FBXW7: variants seen among roughly 807,000 people sequenced by gnomAD.
The protein encoded by FBXW7 is F-box/WD repeat-containing protein 7.
FBXW7 carries 11 observed loss-of-function variants against 86.3 expected under a neutral mutation model. The ratio of observed to expected loss-of-function variants is 0.13; its 90% CI spans 0.08 to 0.21. The LOEUF is 0.21. Among genes scored for constraint, FBXW7 ranks in the 10% least tolerant of loss-of-function variants. FBXW7 has a pLI of 1.00. For missense variants in FBXW7, 488 were observed against 847.4 expected (o/e 0.58, Z 5.27); for synonymous variants, 313 against 297.9 (o/e 1.05, Z -0.52).
intron 2 of FBXW7, among the ~76,000 whole-genome samples, chr4:152,490,564 G>A (rs1048073362): frequency 6.6e-6 from 1 of 152,008 alleles, no homozygotes; most frequent in Non-Finnish European, 1.5e-5. Context: ...ACAGAGCTAG[G>A]AAATATTGGG....
chr4:152,446,259 T>C (rs1192605712), intron 2 of FBXW7, among the ~76,000 whole-genome samples: 2 of 152,146 alleles, frequency 1.3e-5, no homozygotes, highest in Admixed American at 6.5e-5. Context: ...TTAGGAAATA[T>C]TGGATATCAA....
At chr4:152,472,680 A>G (rs1386489205) in intron 2 of FBXW7, among the ~76,000 whole-genome samples, 3 of 152,240 alleles carry the variant, frequency 2.0e-5, no homozygotes, top group Non-Finnish European at 4.4e-5. Flanking sequence ...TGAGAAGCTG[A>G]TATCTTGATC....
intron 2 of FBXW7, among the ~76,000 whole-genome samples, chr4:152,528,000 T>C (rs1008734476): frequency 2.6e-5 from 4 of 151,948 alleles, no homozygotes; most frequent in African/African-American, 9.7e-5. Context: ...ACGGGTTCGT[T>C]TAAGATGCTG....
chr4:152,491,075 A>T (rs1745800982), intron 2 of FBXW7, among the ~76,000 whole-genome samples: 1 of 152,156 alleles, frequency 6.6e-6, no homozygotes, highest in Non-Finnish European at 1.5e-5. Flanking sequence ...GCTCAAGGGC[A>T]TTTGAGAACC....
intron 2 of FBXW7, among the ~76,000 whole-genome samples, chr4:152,462,917 CTT>C (rs534922461): frequency 6.3e-4 from 80 of 126,988 alleles, no homozygotes; most frequent in African/African-American, 7.0e-4. Flanking sequence ...CACTTCCAGT[CTT>C]TTTTTTTTTT....
intron 2 of FBXW7, among the ~76,000 whole-genome samples, chr4:152,511,457 T>C (rs959071771): frequency 1.3e-5 from 2 of 152,162 alleles, no homozygotes; most frequent in African/African-American, 4.8e-5. Context: ...TCCTTTATGC[T>C]TAAAAATATG....
chr4:152,329,886 G>T, intron 9 of FBXW7, 101 bp from the exon 10 acceptor site: 1 of 526,236 alleles, frequency 1.9e-6, no homozygotes, highest in Non-Finnish European at 3.2e-6. Context: ...ACAGTAATTT[G>T]TAGTCTATCT....
chr4:152,526,424 G>A (rs1276887972), intron 2 of FBXW7, among the ~76,000 whole-genome samples: 6 of 152,046 alleles, frequency 3.9e-5, no homozygotes, highest in Admixed American at 3.3e-4. Flanking sequence ...TGCCCTACTC[G>A]AAGAAAAGGT....
intron 2 of FBXW7, among the ~76,000 whole-genome samples, chr4:152,447,890 T>C (rs1741554192): frequency 6.6e-6 from 1 of 152,216 alleles, no homozygotes; most frequent in Non-Finnish European, 1.5e-5. Context: ...CACAGCATAG[T>C]TACCAATAAC....
intron 2 of FBXW7, among the ~76,000 whole-genome samples, chr4:152,503,886 G>C (rs1747174673): frequency 6.6e-6 from 1 of 152,146 alleles, no homozygotes; most frequent in Non-Finnish European, 1.5e-5. Context: ...TATGTAAAGA[G>C]TTGAATTGTT....
intron 4 of FBXW7, among the ~76,000 whole-genome samples, chr4:152,371,381 T>C (rs1382966422): frequency 6.6e-6 from 1 of 151,926 alleles, no homozygotes; most frequent in Non-Finnish European, 1.5e-5. Context: ...CAAAAGAAAG[T>C]TGTTTCACAA....
intron 4 of FBXW7, among the ~76,000 whole-genome samples, chr4:152,369,399 G>GTCA (rs1733800282): frequency 6.6e-6 from 1 of 152,042 alleles, no homozygotes; most frequent in Non-Finnish European, 1.5e-5. Flanking sequence ...ACTCCACGAG[G>GTCA]GTGATGGCTG....
intron 2 of FBXW7, among the ~76,000 whole-genome samples, chr4:152,532,914 G>A (rs142145624): frequency 6.6e-5 from 10 of 152,150 alleles, no homozygotes; most frequent in East Asian, 3.9e-4. Context: ...GGCAGGACGC[G>A]GTGTCTCAAC....
chr4:152,364,260 C>G (rs1733256647), intron 4 of FBXW7, among the ~76,000 whole-genome samples: 1 of 152,142 alleles, frequency 6.6e-6, no homozygotes, highest in Non-Finnish European at 1.5e-5. Flanking sequence ...GCTTCCTTTT[C>G]CCAAACCCTC....
intron 2 of FBXW7, among the ~76,000 whole-genome samples, chr4:152,457,683 AT>A (rs548263851): frequency 2.0e-4 from 30 of 149,012 alleles, no homozygotes; most frequent in African/African-American, 7.1e-4. Context: ...ATAAAACTGG[AT>A]TTTTTTTCAT....
intron 6 of FBXW7, among the ~76,000 whole-genome samples, chr4:152,344,208 C>T (rs954853991): frequency 6.6e-6 from 1 of 152,038 alleles, no homozygotes. Context: ...GCACAGTAAG[C>T]CTTTAGGCAA....
chr4:152,485,147 C>G (rs929959538), intron 2 of FBXW7, among the ~76,000 whole-genome samples: 1 of 151,876 alleles, frequency 6.6e-6, no homozygotes, highest in Admixed American at 6.6e-5. Context: ...GTAAAAATAA[C>G]TTTTTAAAAA....
At chr4:152,359,659 CA>C (rs1450598641) in intron 4 of FBXW7, among the ~76,000 whole-genome samples, 1 of 151,694 alleles carries the variant, frequency 6.6e-6, no homozygotes. Flanking sequence ...ACCACGAAGA[CA>C]GGTGAGGCAA....
intron 2 of FBXW7, among the ~76,000 whole-genome samples, chr4:152,477,028 T>C (rs1486658078): frequency 2.0e-5 from 3 of 151,084 alleles, no homozygotes; most frequent in Admixed American, 6.6e-5. Flanking sequence ...CACACTACTA[T>C]ATGGGAACCA....
Sources: gnomAD v4.1 joint callset for allele counts (sites outside exome capture counted in the v4.1 genomes callset) on GRCh38, gnomAD v4.1.1 for gene constraint, MANE v1.5 for transcripts, NCBI Gene and HGNC (gene_info 2026-07-23, HGNC 2026-07-21) for gene names.